Variants in GOLGA7 observed in about 807,000 individuals in gnomAD.
GOLGA7 encodes the protein golgin subfamily A member 7.
GOLGA7 carries 10 observed loss-of-function variants against 21.1 expected under a neutral mutation model. That is an observed-to-expected ratio of 0.47 (90% CI 0.29 to 0.80). GOLGA7 has a LOEUF of 0.80. Among genes scored for constraint, GOLGA7 ranks in the 30% least tolerant of loss-of-function variants. GOLGA7 has a pLI of 0.08. For synonymous variants in GOLGA7, 64 were observed against 62.6 expected (o/e 1.02, Z -0.10); for missense variants, 114 against 166.8 (o/e 0.68, Z 1.74).
At chr8:41,505,843 G>T in intron 2 of GOLGA7, 68 bp from the exon 3 acceptor site, 2 of 764,652 alleles carry the variant, frequency 2.6e-6, no homozygotes, top group South Asian at 1.7e-5. Flanking sequence ...CCTATTTTGA[G>T]ATCTCACTAA....
chr8:41,497,622 A>T lies in GOLGA7; in HGVS notation c.225A>T (p.Ala75=). ...AAGGTTGTTTGGCTTGTTTAACAGC[A>T]TATACCATCTTCCTATGCATGGAAA... The part of the protein sequence containing the change: ...YLEGCLACLT[A]YTIFLCMETH... The change falls in exon 2 of 5, where the codon GCA becomes GCT. Residue 75 remains alanine (A), a synonymous_variant. Transcript: ENST00000357743. 6.4e-7 allele frequency: 1 copy of T among 1,574,730 alleles called. No homozygotes were observed. Among genetic ancestry groups the T allele is most frequent in the Non-Finnish European group, 8.7e-7 (1 of 1,145,716 alleles).
At chr8:41,501,490 T>C (rs1423885399) in intron 2 of GOLGA7, among the ~76,000 whole-genome samples, 2 of 152,044 alleles carry the variant, frequency 1.3e-5, no homozygotes, top group African/African-American at 4.8e-5. Context: ...GTAATCCACC[T>C]GCATTGGCCT....
chr8:41,503,852 C>T (rs2150445174), intron 2 of GOLGA7, among the ~76,000 whole-genome samples: 1 of 150,464 alleles, frequency 6.6e-6, no homozygotes, highest in Non-Finnish European at 1.5e-5. Flanking sequence ...AGTGTGATGC[C>T]TCCAGCTTTG....
chr8:41,498,616 G>A (rs1806076602), intron 2 of GOLGA7, among the ~76,000 whole-genome samples: 1 of 152,166 alleles, frequency 6.6e-6, no homozygotes, highest in Admixed American at 6.5e-5. Flanking sequence ...CTTGTTCTCT[G>A]TTTTAGTCAG....
intron 1 of GOLGA7, among the ~76,000 whole-genome samples, chr8:41,492,594 G>A (rs62507795): frequency 0.021 from 3,236 of 152,276 alleles, 57 homozygotes; most frequent in Middle Eastern, 0.071. Flanking sequence ...CCTGGGAGGC[G>A]GAGGTTGCAG....
At chr8:41,496,109 A>T (rs1428460929) in intron 1 of GOLGA7, among the ~76,000 whole-genome samples, 1 of 152,196 alleles carries the variant, frequency 6.6e-6, no homozygotes, top group African/African-American at 2.4e-5. Context: ...CACCTTATAC[A>T]TATAACCTGA....
At chr8:41,504,527 T>C (rs1178506949) in intron 2 of GOLGA7, among the ~76,000 whole-genome samples, 1 of 152,194 alleles carries the variant, frequency 6.6e-6, no homozygotes, top group Non-Finnish European at 1.5e-5. Flanking sequence ...CAGCTAAAAT[T>C]CTTTGAATGC....
chr8:41,507,853 G>C (rs1806325483), intron 4 of GOLGA7, among the ~76,000 whole-genome samples: 1 of 152,166 alleles, frequency 6.6e-6, no homozygotes, highest in African/African-American at 2.4e-5. Context: ...CGCTTTTCTA[G>C]TTGACTGTGC....
intron 1 of GOLGA7, among the ~76,000 whole-genome samples, chr8:41,496,895 C>A (rs1806030518): frequency 6.7e-6 from 1 of 150,078 alleles, no homozygotes; most frequent in African/African-American, 2.5e-5. Context: ...GCAAGCTCCA[C>A]CTCCCGGGTT....
At chr8:41,506,346 A>T (rs1248124412) in intron 3 of GOLGA7, among the ~76,000 whole-genome samples, 1 of 152,102 alleles carries the variant, frequency 6.6e-6, no homozygotes, top group East Asian at 1.9e-4. Flanking sequence ...CCCCTTTGAA[A>T]TGGATAAACT....
intron 1 of GOLGA7, among the ~76,000 whole-genome samples, chr8:41,497,135 T>G (rs1202378767): frequency 1.3e-5 from 2 of 151,444 alleles, no homozygotes. Context: ...TATGTTTACA[T>G]TGCCTGTTCT....
At chr8:41,496,804 C>CTT (rs34657481) in intron 1 of GOLGA7, among the ~76,000 whole-genome samples, 22,112 of 91,668 alleles carry the variant, frequency 0.24, 4,984 homozygotes, top group Admixed American at 0.34. Context: ...CAGTTTATTG[C>CTT]TTTTTTTTTT....
In GOLGA7 at chr8:41,494,689, G is replaced by A. The variant is rs533026902; in HGVS notation, c.112-2820G>A. On this transcript the variant is annotated intron_variant, in intron 1 of 4. Transcript: ENST00000357743. ...AACACTGCCCCTGCGTTTAAAGGCC[G>A]TCTTGACCCACCTAGCCTTTGTCCA... Among the ~76,000 whole-genome samples, 11 of 152,246 alleles carry A rather than the reference G, an allele frequency of 7.2e-5. No homozygotes were observed. In the South Asian group the frequency reaches 1.9e-3, roughly 26 times the overall value.
intron 1 of GOLGA7, among the ~76,000 whole-genome samples, chr8:41,494,646 G>T (rs1805963507): frequency 6.6e-6 from 1 of 152,154 alleles, no homozygotes; most frequent in South Asian, 2.1e-4. Flanking sequence ...ACATCTACAA[G>T]GGGTAGCTCA....
Position 41,490,618 on chromosome 8 carries a change from G to T in GOLGA7, c.-237G>T. On this transcript the variant is annotated 5_prime_UTR_variant, in exon 1 of 5. Coordinates refer to ENST00000357743, the MANE Select transcript of GOLGA7 (RefSeq NM_001002296.2). ...AGCAGCTGGAGGGCAGAGGAGGCGG[G>T]TTTGTGTTTCCCGGGCCGAACCGGG... The T allele has an allele frequency of 1.9e-6, 1 of 522,046 alleles. No homozygotes were observed. The highest frequency in any genetic ancestry group is 3.4e-6 in the Non-Finnish European group (1 of 295,190). 32.3% of individuals were successfully genotyped at this position (522,046 alleles called of 1,614,324 possible).
chr8:41,507,127 T>C lies in GOLGA7; in HGVS notation c.*15+6T>C, dbSNP rs1222126774. The C allele has an allele frequency of 1.1e-6, 1 of 950,794 alleles. No individual in the cohort carries two copies. The allele number at this position is 950,794 out of a possible 1,614,324, so 58.9% of individuals were successfully genotyped here. A position where few individuals can be genotyped will look rare whatever the true frequency, so the allele number is the denominator to read the frequency against. ...GATAAACCGAAGAATTAAAGGTAAA[T>C]ATGAAATGATATGGCTTGTATGCAG... On this transcript the variant is annotated splice_donor_region_variant and intron_variant, in intron 4 of 4. Coordinates refer to ENST00000357743, the MANE Select transcript of GOLGA7 (RefSeq NM_001002296.2).
intron 1 of GOLGA7, among the ~76,000 whole-genome samples, chr8:41,492,758 C>A (rs1469147573): frequency 6.6e-6 from 1 of 152,220 alleles, no homozygotes; most frequent in African/African-American, 2.4e-5. Context: ...TTATGTACTT[C>A]AAAATCAGAA....
chr8:41,499,168 T>G lies in GOLGA7; in HGVS notation c.264+1507T>G, dbSNP rs1309512708. On this transcript the variant is annotated intron_variant, in intron 2 of 4. Transcript: ENST00000357743. ...GGCGTGTGATGGGGTGTGGCTTGCT[T>G]CTTCAGTACCCTGCTGCTCAAACCT... 3.9e-5 allele frequency among the ~76,000 whole-genome samples: 6 copies of G among 152,268 alleles called. No individual in the cohort carries two copies. The East Asian group carries it at 7.7e-4, about 20-fold the overall frequency.
intron 1 of GOLGA7, among the ~76,000 whole-genome samples, chr8:41,494,322 A>T (rs1179932304): frequency 6.6e-6 from 1 of 152,234 alleles, no homozygotes; most frequent in Non-Finnish European, 1.5e-5. Context: ...AACTTAAAAA[A>T]TAATAATAAT....
Sources: gnomAD v4.1 joint callset for allele counts (sites outside exome capture counted in the v4.1 genomes callset) on GRCh38, gnomAD v4.1.1 for gene constraint, MANE v1.5 for transcripts, NCBI Gene and HGNC (gene_info 2026-07-23, HGNC 2026-07-21) for gene names.